The following CACNB2 variants were observed in gnomAD, a reference collection of about 807,000 sequenced individuals.
CACNB2 encodes the protein voltage-dependent L-type calcium channel subunit beta-2.
In CACNB2, 42 loss-of-function variants were observed where a neutral mutation model predicts 73.3. The ratio of observed to expected loss-of-function variants is 0.57; its 90% CI spans 0.45 to 0.74. The LOEUF is 0.74. Ranked by LOEUF, CACNB2 falls within the 30% of genes least tolerant of loss-of-function variation. The probability of loss-of-function intolerance (pLI) is 0.00; values close to 1 mark genes in which losing one functional copy is unlikely to be tolerated. For synonymous variants in CACNB2, 348 were observed against 310.3 expected (o/e 1.12, Z -1.28); for missense variants, 940 against 853.0 (o/e 1.10, Z -1.27).
In CACNB2 at chr10:18,276,060, A is replaced by G. The variant is rs186230050; in HGVS notation, c.213+125085A>G. ...GTCAAAGTATTAACATATATTTTATAGTAATCTCAAATAATAACTAATCAA... is the reference window on the plus strand; with the variant it reads ...GTCAAAGTATTAACATATATTTTATGGTAATCTCAAATAATAACTAATCAA... On this transcript the variant is annotated intron_variant, in intron 2 of 13. Transcript: ENST00000324631. 1.4e-3 allele frequency among the ~76,000 whole-genome samples: 212 copies of G among 152,348 alleles called. 1 individual carries two copies. The highest frequency in any genetic ancestry group is 4.6e-3 in the African/African-American group (192 of 41,578).
At chr10:18,344,627 C>T (rs934897419) in intron 2 of CACNB2, among the ~76,000 whole-genome samples, 2 of 152,090 alleles carry the variant, frequency 1.3e-5, no homozygotes, top group African/African-American at 2.4e-5. Context: ...CCACCTCGGC[C>T]TCCCAAAGTG....
At chr10:18,521,723 A>G (rs1451917718) in intron 9 of CACNB2, among the ~76,000 whole-genome samples, 1 of 152,260 alleles carries the variant, frequency 6.6e-6, no homozygotes, top group Admixed American at 6.5e-5. Context: ...AGACATGACT[A>G]GAGTCCAAAA....
chr10:18,539,206 C>A (rs1434017807), intron 13 of CACNB2, 24 bp from the exon 14 acceptor site: 4 of 1,613,896 alleles, frequency 2.5e-6, no homozygotes, highest in East Asian at 4.5e-5. Flanking sequence ...TGGTTAACGC[C>A]TGGTGTGCTC....
At chr10:18,273,890 TTAAC>T (rs1389162638) in intron 2 of CACNB2, among the ~76,000 whole-genome samples, 2 of 152,212 alleles carry the variant, frequency 1.3e-5, no homozygotes, top group East Asian at 1.9e-4. Context: ...AGGTACAACT[TTAAC>T]TACTAGATCC....
chr10:18,288,906 A>G (rs1277735), intron 2 of CACNB2, among the ~76,000 whole-genome samples: 93,522 of 151,978 alleles, frequency 0.62, 30,079 homozygotes, highest in African/African-American at 0.78. Context: ...TCAGCCGGGC[A>G]TGGCAGCACA....
At chr10:18,263,469 C>T (rs558489249) in intron 2 of CACNB2, among the ~76,000 whole-genome samples, 1 of 152,232 alleles carries the variant, frequency 6.6e-6, no homozygotes, top group South Asian at 2.1e-4. Context: ...TATATACATA[C>T]ATGTATGCAT....
chr10:18,533,744 G>A (rs1269298363), intron 10 of CACNB2, among the ~76,000 whole-genome samples: 1 of 152,158 alleles, frequency 6.6e-6, no homozygotes, highest in Non-Finnish European at 1.5e-5. Context: ...ATATGTCAAG[G>A]TTCTTATTTT....
Position 18,311,170 on chromosome 10 carries a change from T to G in CACNB2, c.214-90754T>G, listed in dbSNP as rs1211154663. ...TTTCCCTGAAATTGGTTTATCTGCT[T>G]ATTTTGGACCTTTTAGGCTCTTCTT... On this transcript the variant is annotated intron_variant, in intron 2 of 13. Transcript: ENST00000324631. 2.0e-5 allele frequency among the ~76,000 whole-genome samples: 3 copies of G among 152,194 alleles called. No individual in the cohort carries two copies. In the East Asian group the frequency reaches 5.8e-4, roughly 29 times the overall value.
chr10:18,429,809 A>C (rs1234750266), intron 3 of CACNB2, among the ~76,000 whole-genome samples: 1 of 24,220 alleles, frequency 4.1e-5, no homozygotes, highest in Non-Finnish European at 1.2e-4. Flanking sequence ...GTCTCTACCG[A>C]AAAAAAAAAA....
At chr10:18,349,031 G>A (rs990012980) in intron 2 of CACNB2, among the ~76,000 whole-genome samples, 2 of 152,208 alleles carry the variant, frequency 1.3e-5, no homozygotes, top group Admixed American at 6.5e-5. Context: ...TGAGGTGAGA[G>A]ATCACTTGAC....
intron 2 of CACNB2, among the ~76,000 whole-genome samples, chr10:18,217,704 C>T (rs1186934828): frequency 6.6e-6 from 1 of 151,102 alleles, no homozygotes; most frequent in African/African-American, 2.4e-5. Context: ...GAGAACATTC[C>T]AAGCAGAGAG....
At chr10:18,511,560 T>A (rs764896226) in intron 6 of CACNB2, among the ~76,000 whole-genome samples, 1 of 152,242 alleles carries the variant, frequency 6.6e-6, no homozygotes, top group Admixed American at 6.5e-5. Flanking sequence ...TTCAAACTGG[T>A]AATTTGTTCC....
At chr10:18,412,508 A>G (rs1030972720) in intron 3 of CACNB2, among the ~76,000 whole-genome samples, 1 of 151,996 alleles carries the variant, frequency 6.6e-6, no homozygotes, top group Non-Finnish European at 1.5e-5. Context: ...CGTGAAACTG[A>G]TTTCTGTCTC....
intron 2 of CACNB2, among the ~76,000 whole-genome samples, chr10:18,217,268 G>C (rs139102261): frequency 0.078 from 11,838 of 152,168 alleles, 529 homozygotes; most frequent in East Asian, 0.15. Flanking sequence ...TGGATCACCT[G>C]AGGTCAGGAG....
At chr10:18,188,987 T>A (rs888776715) in intron 2 of CACNB2, among the ~76,000 whole-genome samples, 1 of 151,926 alleles carries the variant, frequency 6.6e-6, no homozygotes, top group African/African-American at 2.4e-5. Flanking sequence ...TGAGACAGGG[T>A]CTCACTCTGT....
At chr10:18,384,952 G>A (rs979973469) in intron 2 of CACNB2, among the ~76,000 whole-genome samples, 10 of 151,982 alleles carry the variant, frequency 6.6e-5, no homozygotes, top group Non-Finnish European at 1.5e-4. Context: ...CTCAACCTTG[G>A]CTGAACAGTA....
chr10:18,144,286 G>T (rs184037087), intron 1 of CACNB2, among the ~76,000 whole-genome samples: 1 of 152,186 alleles, frequency 6.6e-6, no homozygotes, highest in Admixed American at 6.5e-5. Flanking sequence ...CACCATGTTG[G>T]CTAGGCTTGT....
chr10:18,304,981 A>G (rs1339847509), intron 2 of CACNB2, among the ~76,000 whole-genome samples: 1 of 152,236 alleles, frequency 6.6e-6, no homozygotes, highest in African/African-American at 2.4e-5. Flanking sequence ...TGAGAAATAG[A>G]AGTTTAGGAC....
chr10:18,252,633 T>G (rs1385630172), intron 2 of CACNB2, among the ~76,000 whole-genome samples: 2 of 152,208 alleles, frequency 1.3e-5, no homozygotes, highest in African/African-American at 4.8e-5. Context: ...AGGTGAGGAA[T>G]AGATAGATAC....
Sources: gnomAD v4.1 joint callset for allele counts (sites outside exome capture counted in the v4.1 genomes callset) on GRCh38, gnomAD v4.1.1 for gene constraint, MANE v1.5 for transcripts, NCBI Gene and HGNC (gene_info 2026-07-23, HGNC 2026-07-21) for gene names.